DNHD1: variants seen among roughly 807,000 people sequenced by gnomAD.
DNHD1 encodes the protein dynein heavy chain domain-containing protein 1.
Under a neutral mutation model 458.1 loss-of-function variants are expected in DNHD1, and 383 were observed. The observed-to-expected ratio is 0.84, with a 90% CI of 0.77 to 0.91. The LOEUF (loss-of-function observed/expected upper bound fraction) is 0.91, where lower values mean the gene tolerates loss of function less well. DNHD1 is among the 40% of genes least tolerant of loss of function. The pLI is 0.00. For synonymous variants in DNHD1, 2,203 were observed against 2,376.9 expected, an observed-to-expected ratio of 0.93 and a Z score of 2.13; for missense variants, 5,336 against 5,866.1, an observed-to-expected ratio of 0.91 and a Z score of 2.95.
At chr11:6,568,431 C>A in intron 37 of DNHD1, 23 bp from the exon 38 acceptor site, 5 of 1,611,978 alleles carry the variant, frequency 3.1e-6, no homozygotes, top group Non-Finnish European at 4.2e-6. Flanking sequence ...AAGGACTGAT[C>A]TCAGACCCTT....
chr11:6,513,877 T>A (rs1852398040), intron 7 of DNHD1, among the ~76,000 whole-genome samples: 1 of 152,162 alleles, frequency 6.6e-6, no homozygotes, highest in Non-Finnish European at 1.5e-5. Flanking sequence ...GGAGTCTCAT[T>A]CTGTCGCCCA....
In DNHD1 at chr11:6,548,256, C is replaced by T; in HGVS notation, c.6952C>T (p.Leu2318Phe). Residue 2318 changes from leucine (L) to phenylalanine (F), a missense_variant, in exon 23 of 43, where the codon CTC (leucine) becomes TTC (phenylalanine). Physicochemically the swap from Leu to Phe is conservative, Grantham distance 22 (BLOSUM62 0). Coordinates refer to ENST00000254579, the MANE Select transcript of DNHD1 (RefSeq NM_144666.3). This position sits in a 1 kb window ranked among gnomAD's most constrained non-coding sequence, Gnocchi z 4.4. ...CTTCATAAGGGATTCTATTAGTCGC[C>T]TCTCCAACTACCCTGAGCCACCACC... is the stretch of plus-strand genomic sequence containing the variant. ...DTFIRDSISR[L>F]SNYPEPPPSA... is the part of the protein sequence containing the mutation. The T allele has an allele frequency of 3.9e-6, 6 of 1,551,690 alleles. No homozygotes were observed. Among genetic ancestry groups the T allele is most frequent in the Non-Finnish European group, 5.2e-6 (6 of 1,146,988 alleles).
rs1408654736 is a variant in DNHD1, at chr11:6,567,218, G to A, written c.11709G>A (p.Leu3903=). ...KPREINHGED[L]ASHLLQLRAH... The stretch of plus-strand genomic sequence containing the variant: ...GTGAGATTAATCACGGGGAGGACCT[G>A]GCCAGCCATCTACTGCAATTGAGAG... Residue 3903 remains leucine (L), a synonymous_variant, in exon 36 of 43, where the codon CTG becomes CTA. Coordinates refer to ENST00000254579, the MANE Select transcript of DNHD1 (RefSeq NM_144666.3). 1 of 1,613,980 alleles carries A rather than the reference G, an allele frequency of 6.2e-7. No homozygotes were observed. Among genetic ancestry groups the A allele is most frequent in the East Asian group, 2.2e-5 (1 of 44,888 alleles).
chr11:6,534,171 C>G lies in DNHD1; in HGVS notation c.2996C>G (p.Thr999Ser). The G allele has an allele frequency of 6.4e-7, 1 of 1,550,726 alleles. No homozygotes were observed. The highest frequency in any genetic ancestry group is 8.7e-7 in the Non-Finnish European group (1 of 1,146,822). ...CTGCACCACGCCTATGCCATCTTCACTGGTACTGAGGATCCCTGCACCCTC... is the reference window on the plus strand; with the variant it reads ...CTGCACCACGCCTATGCCATCTTCAGTGGTACTGAGGATCCCTGCACCCTC... ...SELHHAYAIF[T>S]EDETPVPLPI... The change falls in exon 14 of 43, where the codon ACT becomes AGT. Residue 999 changes from threonine to serine, a missense_variant and splice_region_variant. By Grantham distance (58) the Thr-to-Ser change is moderately conservative. Around this residue, in one of 4 missense-constraint regions of DNHD1, gnomAD observed 3,932 missense variants for 4,365.6 expected, o/e 0.90. Transcript: ENST00000254579.
intron 7 of DNHD1, among the ~76,000 whole-genome samples, chr11:6,516,609 C>G (rs748350612): frequency 5.3e-5 from 8 of 152,064 alleles, no homozygotes; most frequent in Non-Finnish European, 1.2e-4. Flanking sequence ...GTACTAACCA[C>G]CTTTTTATGT....
At chr11:6,566,211 G>T in intron 33 of DNHD1, 30 bp from the exon 34 acceptor site, 1 of 1,548,038 alleles carries the variant, frequency 6.5e-7, no homozygotes, top group South Asian at 1.2e-5. Flanking sequence ...CTGGCATTGT[G>T]GGTAGGGTGC....
At chr11:6,550,777 A>G (rs117236183) in intron 24 of DNHD1, among the ~76,000 whole-genome samples, 5 of 152,352 alleles carry the variant, frequency 3.3e-5, no homozygotes, top group Admixed American at 2.0e-4. Flanking sequence ...AGAGATAGAA[A>G]AGGACATCTC....
chr11:6,518,293 C>T (rs944884350), intron 7 of DNHD1, among the ~76,000 whole-genome samples: 8 of 152,170 alleles, frequency 5.3e-5, no homozygotes, highest in African/African-American at 1.7e-4. Flanking sequence ...AACTTCTGGA[C>T]TTAAGTGATC....
intron 7 of DNHD1, among the ~76,000 whole-genome samples, chr11:6,518,539 T>C (rs1852539480): frequency 6.6e-6 from 1 of 152,194 alleles, no homozygotes; most frequent in African/African-American, 2.4e-5. Context: ...TTTACAAACA[T>C]TTACTGTGGA....
At chr11:6,516,806 C>T (rs1459672072) in intron 7 of DNHD1, among the ~76,000 whole-genome samples, 1 of 152,024 alleles carries the variant, frequency 6.6e-6, no homozygotes, top group Non-Finnish European at 1.5e-5. Context: ...TATCGTTCTC[C>T]CAAGCAGAAT....
At chr11:6,503,805 A>G (rs1852182407) in intron 4 of DNHD1, 1 of 152,162 alleles carries the variant, frequency 6.6e-6, no homozygotes, top group Non-Finnish European at 1.5e-5. Flanking sequence ...AAAAAGCCCT[A>G]TTCAAGTCCA....
intron 3 of DNHD1, among the ~76,000 whole-genome samples, chr11:6,501,041 CAG>C (rs756796853): frequency 4.6e-5 from 7 of 152,006 alleles, no homozygotes; most frequent in African/African-American, 9.7e-5. Context: ...AAACATCAAA[CAG>C]AGTTTCAAGG....
chr11:6,549,252 C>T (rs1046026131), intron 24 of DNHD1, among the ~76,000 whole-genome samples: 3 of 152,178 alleles, frequency 2.0e-5, no homozygotes, highest in Non-Finnish European at 2.9e-5. Flanking sequence ...ATCATCTCCC[C>T]GCGGCCAAAA....
In DNHD1 at chr11:6,567,658, A is replaced by G; in HGVS notation, c.12149A>G (p.Glu4050Gly). 6.2e-7 allele frequency: 1 copy of G among 1,613,846 alleles called. No individual in the cohort carries two copies. The highest frequency in any genetic ancestry group is 1.1e-5 in the South Asian group (1 of 91,086). ...ATCCTGTGGCGCGTTCTGCGACCTG[A>G]GTGCCTGGCAGGTGCCCTGGCAGAC... The part of the protein sequence containing the change: ...KLILWRVLRP[E>G]CLAGALADFT... Residue 4050 changes from glutamate (E) to glycine (G), a missense_variant, in exon 36 of 43, where the codon GAG becomes GGG. Glu to Gly is a moderately conservative substitution (Grantham distance 98, BLOSUM62 -2). Coordinates refer to ENST00000254579, the MANE Select transcript of DNHD1 (RefSeq NM_144666.3).
rs1392304302 is a variant in DNHD1 at position 6,502,934 on chromosome 11, C to G, written c.920+8C>G. 4.3e-6 allele frequency: 7 copies of G among 1,612,966 alleles called. No individual in the cohort carries two copies. The highest frequency in any genetic ancestry group is 5.9e-6 in the Non-Finnish European group (7 of 1,179,588). ...TCCCAGCCGGTACTTTAGGTGATAG[C>G]CTATGTCCAGGCCCCTTCTCCTCCC... On this transcript the variant is annotated splice_region_variant and intron_variant, in intron 4 of 42. Transcript: ENST00000254579.
At chr11:6,519,927 T>G in intron 8 of DNHD1, 38 bp from the exon 9 acceptor site, 1 of 1,613,606 alleles carries the variant, frequency 6.2e-7, no homozygotes, top group Non-Finnish European at 8.5e-7. Flanking sequence ...TATACTGACA[T>G]CTAGCCCCTC....
chr11:6,541,583 A>C (rs1446257812), intron 18 of DNHD1, among the ~76,000 whole-genome samples: 1 of 152,176 alleles, frequency 6.6e-6, no homozygotes, highest in Non-Finnish European at 1.5e-5. Flanking sequence ...GATCCCAAAG[A>C]ATAGTGGAGG....
intron 41 of DNHD1, 75 bp from the exon 42 acceptor site, chr11:6,570,543 G>T: frequency 6.7e-7 from 1 of 1,491,752 alleles, no homozygotes. Flanking sequence ...TAAAGGCTCA[G>T]AGGAAGGCCT....
intron 7 of DNHD1, among the ~76,000 whole-genome samples, chr11:6,512,722 AAATACTATATAAGT>A (rs1481800528): frequency 3.9e-5 from 6 of 152,066 alleles, no homozygotes; most frequent in Admixed American, 1.3e-4. Flanking sequence ...TCACCTTTAA[AAATACTATATAAGT>A]TACTTACTAT....
Sources: gnomAD v4.1 joint callset for allele counts (sites outside exome capture counted in the v4.1 genomes callset) on GRCh38, gnomAD v4.1.1 for gene constraint, gnomAD v4.1.1 regional missense constraint, Gnocchi (gnomAD v3.1) non-coding constraint, MANE v1.5 for transcripts, NCBI Gene and HGNC (gene_info 2026-07-23, HGNC 2026-07-21) for gene names.